GIN1: variants seen among roughly 807,000 people sequenced by gnomAD.
GIN1 encodes gypsy retrotransposon integrase-like protein 1.
A neutral mutation model predicts 51.4 loss-of-function variants in GIN1; 41 were observed. The ratio of observed to expected loss-of-function variants is 0.80; its 90% CI spans 0.62 to 1.04. The LOEUF is 1.04. Ranked by LOEUF, GIN1 falls within the 50% of genes least tolerant of loss-of-function variation. GIN1 has a pLI of 0.00. For synonymous variants in GIN1, 222 were observed against 206.5 expected, an observed-to-expected ratio of 1.07 and a Z score of -0.64; for missense variants, 610 against 612.4, an observed-to-expected ratio of 1.00 and a Z score of 0.04.
rs1554194115 is a variant in GIN1 at position 103,087,994 on chromosome 5, C to T, written c.1473G>A (p.Thr491=). The T allele has an allele frequency of 8.1e-6, 13 of 1,600,312 alleles. No homozygotes were observed. The East Asian group carries it at 1.1e-4, about 14-fold the overall frequency. ...KDRELLEYRN[T]KISPLIDDHS... ...GATCGTCTATCAATGGAGAGATTTT[C>T]GTATTTCTATATTCTAATAGTTCAC... The change falls in exon 8 of 8, where the codon ACG becomes ACA. Residue 491 remains threonine (T), a synonymous_variant. Coordinates refer to ENST00000399004, the MANE Select transcript of GIN1 (RefSeq NM_017676.2).
rs1787409397 is a variant in GIN1 at position 103,096,836 on chromosome 5, T to C, written c.1009-10A>G. ...AATTGTTGTTCTCCATCTACAAGTG[T>C]AAAAAGAAAAAGAACAAAGAGATGA... On this transcript the variant is annotated splice_polypyrimidine_tract_variant and intron_variant, in intron 6 of 7. Transcript: ENST00000399004. 2 of 1,541,528 alleles carry C rather than the reference T, an allele frequency of 1.3e-6. No homozygotes were observed. The highest frequency in any genetic ancestry group is 1.8e-6 in the Non-Finnish European group (2 of 1,122,206).
intron 7 of GIN1, among the ~76,000 whole-genome samples, chr5:103,094,112 G>C (rs1011055815): frequency 1.3e-5 from 2 of 152,156 alleles, no homozygotes; most frequent in South Asian, 4.1e-4. Context: ...AAACTTCAAT[G>C]ATTAGTCAAA....
intron 4 of GIN1, among the ~76,000 whole-genome samples, chr5:103,101,767 A>G (rs1173220500): frequency 1.3e-5 from 2 of 152,226 alleles, no homozygotes; most frequent in Non-Finnish European, 2.9e-5. Context: ...TGTGACATAC[A>G]TGTCTTGTTG....
chr5:103,115,172 T>C (rs1461356970), intron 1 of GIN1, among the ~76,000 whole-genome samples: 1 of 152,176 alleles, frequency 6.6e-6, no homozygotes, highest in Non-Finnish European at 1.5e-5. Flanking sequence ...ATAAACAAGA[T>C]GTAGATTCTC....
chr5:103,111,672 G>T (rs962628914), intron 1 of GIN1, among the ~76,000 whole-genome samples: 3 of 152,132 alleles, frequency 2.0e-5, no homozygotes, highest in Admixed American at 1.3e-4. Flanking sequence ...AACACAGAGG[G>T]ATGTGGGTAA....
intron 1 of GIN1, among the ~76,000 whole-genome samples, chr5:103,111,139 G>T (rs1431225005): frequency 6.6e-6 from 1 of 151,636 alleles, no homozygotes; most frequent in Admixed American, 6.6e-5. Flanking sequence ...CCATCCATTT[G>T]CCTGCCTATC....
chr5:103,099,012 ATTATT>A (rs1787490013), intron 4 of GIN1, among the ~76,000 whole-genome samples: 1 of 151,144 alleles, frequency 6.6e-6, no homozygotes, highest in Non-Finnish European at 1.5e-5. Flanking sequence ...TTTTTTCCTT[ATTATT>A]TTTAGTTGAG....
intron 1 of GIN1, among the ~76,000 whole-genome samples, chr5:103,114,364 A>C (rs554254070): frequency 6.6e-6 from 1 of 152,236 alleles, no homozygotes; most frequent in African/African-American, 2.4e-5. Flanking sequence ...TGTCAGTATA[A>C]ATGGATAGAT....
intron 7 of GIN1, among the ~76,000 whole-genome samples, chr5:103,092,025 CAA>C (rs1175297112): frequency 3.7e-5 from 5 of 135,774 alleles, no homozygotes; most frequent in Non-Finnish European, 3.2e-5. Flanking sequence ...AACTCCATCT[CAA>C]AAAAAAAAAA....
intron 4 of GIN1, among the ~76,000 whole-genome samples, chr5:103,101,923 G>C (rs782522222): frequency 1.3e-5 from 2 of 152,126 alleles, no homozygotes; most frequent in South Asian, 2.1e-4. Context: ...TCAGACCACT[G>C]CTATGTCAAT....
At position 103,097,799 on chromosome 5, in the gene GIN1, CA is replaced by C; in HGVS notation, c.640-19del. 9.0e-7 allele frequency: 1 copy of C among 1,104,994 alleles called. No homozygotes were observed. The highest frequency in any genetic ancestry group is 1.3e-6 in the Non-Finnish European group (1 of 761,760). The allele number at this position is 1,104,994 out of a possible 1,614,324, so 68.4% of individuals were successfully genotyped here. ...ATATTGATCTGAAAAATATATAAAA[CA>C]AAGGTGGCTTTTTAAAATTTGTGTT... On this transcript the variant is annotated intron_variant, in intron 4 of 7. Transcript: ENST00000399004.
chr5:103,112,036 A>G (rs1293794236), intron 1 of GIN1, among the ~76,000 whole-genome samples: 1 of 147,310 alleles, frequency 6.8e-6, no homozygotes, highest in East Asian at 2.0e-4. Context: ...GAAATAGAGA[A>G]ATTTGCTCTC....
intron 7 of GIN1, among the ~76,000 whole-genome samples, chr5:103,091,645 C>G (rs1307900681): frequency 6.6e-6 from 1 of 152,002 alleles, no homozygotes; most frequent in Non-Finnish European, 1.5e-5. Context: ...AGGTATTAAT[C>G]AGCAGTTTTG....
At chr5:103,113,654 T>C (rs1458154879) in intron 1 of GIN1, among the ~76,000 whole-genome samples, 2 of 151,956 alleles carry the variant, frequency 1.3e-5, no homozygotes, top group Non-Finnish European at 2.9e-5. Flanking sequence ...CTCGAGTAAC[T>C]GGGACTACGG....
In GIN1 at chr5:103,104,822, C is replaced by T. The variant is rs782177593; in HGVS notation, c.358G>A (p.Val120Met). The change falls in exon 4 of 8, where the codon GTG becomes ATG. Residue 120 changes from valine (V) to methionine (M), a missense_variant. Coordinates refer to ENST00000399004, the MANE Select transcript of GIN1 (RefSeq NM_017676.2). ...QWVYACQHCQ[V>M]AKNTVIVAPK... ...GCTACAATAACTGTATTTTTTGCCACTTGGCAATGCTGACAAGCATATACC... is the reference window on the plus strand; with the variant it reads ...GCTACAATAACTGTATTTTTTGCCATTTGGCAATGCTGACAAGCATATACC... 1.9e-6 allele frequency: 3 copies of T among 1,604,890 alleles called. No individual in the cohort carries two copies. The highest frequency in any genetic ancestry group is 2.6e-6 in the Non-Finnish European group (3 of 1,174,210).
intron 4 of GIN1, among the ~76,000 whole-genome samples, chr5:103,099,837 C>T (rs1350204872): frequency 6.6e-6 from 1 of 152,138 alleles, no homozygotes; most frequent in Non-Finnish European, 1.5e-5. Context: ...CTAAGCTAAG[C>T]CATTAGAAAC....
chr5:103,096,359 G>C (rs1367833206), intron 7 of GIN1, among the ~76,000 whole-genome samples, 182 bp downstream of exon 7: 1 of 151,846 alleles, frequency 6.6e-6, no homozygotes, highest in Admixed American at 6.6e-5. Context: ...AATCTCACAG[G>C]CCTGACAGTT....
intron 4 of GIN1, among the ~76,000 whole-genome samples, chr5:103,103,609 T>C (rs1295951578): frequency 6.6e-6 from 1 of 152,230 alleles, no homozygotes; most frequent in Non-Finnish European, 1.5e-5. Context: ...AGTTGTTGTA[T>C]TTCTTATAAA....
At chr5:103,104,882 A>T in intron 3 of GIN1, 36 bp from the exon 4 acceptor site, 1 of 1,209,754 alleles carries the variant, frequency 8.3e-7, no homozygotes, top group East Asian at 2.3e-5. Context: ...ACACATACAA[A>T]TGTTAACACT....
Sources: allele counts gnomAD v4.1 joint callset (sites outside exome capture counted in the v4.1 genomes callset), GRCh38; gene constraint gnomAD v4.1.1; transcripts MANE v1.5; gene names NCBI Gene and HGNC (gene_info 2026-07-23, HGNC 2026-07-21).